The following BRINP3 variants were observed in gnomAD, a reference collection of about 807,000 sequenced individuals.
BRINP3 encodes BMP/retinoic acid-inducible neural-specific protein 3.
A neutral mutation model predicts 71.0 loss-of-function variants in BRINP3; 19 were observed. That is an observed-to-expected ratio of 0.27 (90% CI 0.19 to 0.39). The LOEUF (loss-of-function observed/expected upper bound fraction) is 0.39. Ranked by LOEUF, BRINP3 falls within the 10% of genes least tolerant of loss-of-function variation. The pLI is 1.00. For missense variants in BRINP3, 959 were observed against 940.8 expected (o/e 1.02, Z -0.25); for synonymous variants, 380 against 337.7 (o/e 1.13, Z -1.37).
At chr1:190,455,694 G>A (rs1008322613) in intron 1 of BRINP3, among the ~76,000 whole-genome samples, 1 of 152,002 alleles carries the variant, frequency 6.6e-6, no homozygotes, top group Non-Finnish European at 1.5e-5. Context: ...GGTCTTTAAA[G>A]ATTTAAATGT....
intron 2 of BRINP3, among the ~76,000 whole-genome samples, chr1:190,302,526 C>T (rs762443334): frequency 6.6e-6 from 1 of 151,756 alleles, no homozygotes; most frequent in Non-Finnish European, 1.5e-5. Flanking sequence ...TATGAACTCT[C>T]ACTGCAGAAT....
Position 190,098,189 on chromosome 1 carries a change from T to C in BRINP3, c.2130A>G (p.Val710=). 2 of 1,614,160 alleles carry C rather than the reference T, an allele frequency of 1.2e-6. No homozygotes were observed. The highest frequency in any genetic ancestry group is 1.7e-6 in the Non-Finnish European group (2 of 1,180,020). The change falls in exon 8 of 8, where the codon GTA becomes GTG. Residue 710 remains valine, a synonymous_variant. Coordinates refer to ENST00000367462, the MANE Select transcript of BRINP3 (RefSeq NM_199051.3). The stretch of plus-strand genomic sequence containing the variant: ...GCTGACCAGGTGGGGAGAGTTTATT[T>C]ACACGGTCTCTGATCTCTAGTAGTT... ...LLQLLEIRDR[V]NKLSPPGQRR...
At chr1:190,458,104 T>C (rs1375918647) in intron 1 of BRINP3, among the ~76,000 whole-genome samples, 3 of 152,066 alleles carry the variant, frequency 2.0e-5, no homozygotes, top group Admixed American at 6.6e-5. Context: ...CAGGTAATTA[T>C]GAGGTAATTA....
chr1:190,195,331 A>T (rs1194630607), intron 6 of BRINP3, among the ~76,000 whole-genome samples: 1 of 152,002 alleles, frequency 6.6e-6, no homozygotes, highest in African/African-American at 2.4e-5. Flanking sequence ...TTTTATAATT[A>T]AAAAGAGTTT....
chr1:190,382,941 A>G (rs1014763243), intron 2 of BRINP3, among the ~76,000 whole-genome samples: 2 of 152,116 alleles, frequency 1.3e-5, no homozygotes, highest in African/African-American at 4.8e-5. Context: ...CCCCATTCAA[A>G]ATTTCCTCAA....
At chr1:190,436,783 A>C (rs916911734) in intron 2 of BRINP3, among the ~76,000 whole-genome samples, 1 of 151,818 alleles carries the variant, frequency 6.6e-6, no homozygotes, top group East Asian at 1.9e-4. Flanking sequence ...CAGATAAGTT[A>C]ATCTGAACTA....
chr1:190,099,053 C>G lies in BRINP3; in HGVS notation c.1266G>C (p.Glu422Asp). ...ENGLLGSFSE[E>D]THSCTCPNDQ... Reference sequence around the variant, plus strand: ...CATTCGGACACGTGCACGAGTGCGTCTCTTCTGAAAAGCTGCCTAGGAGGC... The same window carrying G: ...CATTCGGACACGTGCACGAGTGCGTGTCTTCTGAAAAGCTGCCTAGGAGGC... The change falls in exon 8 of 8, where the codon GAG becomes GAC. Residue 422 changes from glutamate (E) to aspartate (D), a missense_variant. Transcript: ENST00000367462. 6.8e-6 allele frequency: 11 copies of G among 1,614,190 alleles called. No homozygotes were observed. The highest frequency in any genetic ancestry group is 9.3e-6 in the Non-Finnish European group (11 of 1,180,040).
At chr1:190,447,626 A>G (rs570000381) in intron 2 of BRINP3, among the ~76,000 whole-genome samples, 1 of 148,932 alleles carries the variant, frequency 6.7e-6, no homozygotes, top group Non-Finnish European at 1.5e-5. Context: ...CTCTCTCTAT[A>G]TATATATACT....
At chr1:190,335,701 A>C (rs1235994953) in intron 2 of BRINP3, among the ~76,000 whole-genome samples, 1 of 151,930 alleles carries the variant, frequency 6.6e-6, no homozygotes, top group Non-Finnish European at 1.5e-5. Context: ...TCAGATAAAT[A>C]ATCTCAATAG....
intron 4 of BRINP3, among the ~76,000 whole-genome samples, chr1:190,248,116 G>T (rs764794297): frequency 6.6e-6 from 1 of 151,714 alleles, no homozygotes; most frequent in Non-Finnish European, 1.5e-5. Context: ...ATACACAGAA[G>T]AATTCTTTTA....
chr1:190,427,461 A>G (rs1224897220), intron 2 of BRINP3, among the ~76,000 whole-genome samples: 5 of 152,038 alleles, frequency 3.3e-5, no homozygotes, highest in Non-Finnish European at 7.4e-5. Context: ...TGTGATACTT[A>G]TAAAATAGTT....
intron 3 of BRINP3, 46 bp downstream of exon 3, chr1:190,281,514 T>C: frequency 6.4e-7 from 1 of 1,562,602 alleles, no homozygotes; most frequent in Non-Finnish European, 8.7e-7. Flanking sequence ...TTATACGGTT[T>C]TAGGCACAAG....
intron 4 of BRINP3, among the ~76,000 whole-genome samples, chr1:190,237,957 T>C (rs559472442): frequency 6.6e-6 from 1 of 152,104 alleles, no homozygotes; most frequent in African/African-American, 2.4e-5. Context: ...ATGTTAATAT[T>C]TAAGAGGGGA....
At chr1:190,125,324 A>G (rs180975640) in intron 7 of BRINP3, among the ~76,000 whole-genome samples, 21 of 151,382 alleles carry the variant, frequency 1.4e-4, no homozygotes, top group African/African-American at 5.1e-4. Context: ...ATATATATAC[A>G]TATTACATAT....
intron 7 of BRINP3, among the ~76,000 whole-genome samples, chr1:190,131,114 A>T (rs1654504807): frequency 7.0e-6 from 1 of 142,584 alleles, no homozygotes; most frequent in South Asian, 2.2e-4. Context: ...CATTTTATAG[A>T]TGAAGAAACT....
chr1:190,429,877 A>T (rs756941916), intron 2 of BRINP3, among the ~76,000 whole-genome samples: 61 of 152,164 alleles, frequency 4.0e-4, no homozygotes, highest in Non-Finnish European at 8.1e-4. Flanking sequence ...TACAAATGTG[A>T]GTCAACGCCC....
chr1:190,437,262 G>C lies in BRINP3; in HGVS notation c.236+17393C>G, dbSNP rs1674527793. ...TTGGACAATTTATTTAACTTTTTGG[G>C]CTTTTCTCCATTTCCAACAAAACCA... On this transcript the variant is annotated intron_variant, in intron 2 of 7. Transcript: ENST00000367462. 2.0e-5 allele frequency among the ~76,000 whole-genome samples: 3 copies of C among 151,576 alleles called. No homozygotes were observed. The South Asian group carries it at 6.2e-4, about 32-fold the overall frequency.
chr1:190,260,706 G>A (rs887594880), intron 4 of BRINP3, among the ~76,000 whole-genome samples: 2 of 151,994 alleles, frequency 1.3e-5, no homozygotes, highest in African/African-American at 4.8e-5. Flanking sequence ...TTAATGTAAT[G>A]TATTTTATAA....
At chr1:190,112,994 G>T (rs1044984855) in intron 7 of BRINP3, among the ~76,000 whole-genome samples, 4 of 152,102 alleles carry the variant, frequency 2.6e-5, no homozygotes, top group Non-Finnish European at 5.9e-5. Flanking sequence ...AAAATAAACT[G>T]TGGGGGGTGA....
Sources: gnomAD v4.1 joint callset for allele counts (sites outside exome capture counted in the v4.1 genomes callset) on GRCh38, gnomAD v4.1.1 for gene constraint, MANE v1.5 for transcripts, NCBI Gene and HGNC (gene_info 2026-07-23, HGNC 2026-07-21) for gene names.